TESK2: variants seen among roughly 807,000 people sequenced by gnomAD.
TESK2 encodes testis associated actin remodelling kinase 2.
TESK2 carries 39 observed loss-of-function variants against 57.1 expected under a neutral mutation model. That is an observed-to-expected ratio of 0.68 (90% CI 0.53 to 0.89). The LOEUF is 0.89. Ranked by LOEUF, TESK2 falls within the 40% of genes least tolerant of loss-of-function variation. The pLI is 0.00. For synonymous variants in TESK2, 249 were observed against 267.9 expected (o/e 0.93, Z 0.69); for missense variants, 646 against 732.1 (o/e 0.88, Z 1.36).
intron 3 of TESK2, among the ~76,000 whole-genome samples, chr1:45,404,169 C>T (rs1649740994): frequency 1.3e-5 from 2 of 152,180 alleles, no homozygotes; most frequent in African/African-American, 4.8e-5. Context: ...AAACAATACT[C>T]TCACAATGAT....
chr1:45,357,941 T>C (rs1453448627), intron 4 of TESK2, among the ~76,000 whole-genome samples: 1 of 144,248 alleles, frequency 6.9e-6, no homozygotes, highest in South Asian at 2.2e-4. Flanking sequence ...GAGATGGAGG[T>C]TGCAGTAAGC....
At chr1:45,388,524 C>T (rs910894764) in intron 3 of TESK2, among the ~76,000 whole-genome samples, 2 of 152,052 alleles carry the variant, frequency 1.3e-5, no homozygotes, top group African/African-American at 4.8e-5. Flanking sequence ...ATGGTATTAT[C>T]TATGGCTTCT....
chr1:45,360,894 T>C (rs1647653584), intron 4 of TESK2, among the ~76,000 whole-genome samples: 1 of 152,228 alleles, frequency 6.6e-6, no homozygotes, highest in African/African-American at 2.4e-5. Flanking sequence ...CTCGGCTCAC[T>C]GCAACCTCCA....
At chr1:45,431,772 A>G (rs144165010) in intron 2 of TESK2, among the ~76,000 whole-genome samples, 156 of 152,198 alleles carry the variant, frequency 1.0e-3, no homozygotes, top group African/African-American at 3.4e-3. Context: ...CAAATAGAAC[A>G]AGCAAGGAAA....
At chr1:45,377,409 A>T (rs1414884286) in intron 4 of TESK2, among the ~76,000 whole-genome samples, 2 of 151,220 alleles carry the variant, frequency 1.3e-5, no homozygotes, top group African/African-American at 4.9e-5. Context: ...GATTCTAATA[A>T]GAGAACAAGG....
chr1:45,463,214 C>A (rs1205934877), intron 1 of TESK2, among the ~76,000 whole-genome samples: 1 of 152,158 alleles, frequency 6.6e-6, no homozygotes, highest in Non-Finnish European at 1.5e-5. Flanking sequence ...GCTTCATTTT[C>A]TGTGCAGAAG....
At chr1:45,422,202 A>G (rs528045017) in intron 2 of TESK2, among the ~76,000 whole-genome samples, 1 of 152,130 alleles carries the variant, frequency 6.6e-6, no homozygotes, top group Non-Finnish European at 1.5e-5. Flanking sequence ...GGAACAGAAA[A>G]CCAACACTGC....
intron 4 of TESK2, among the ~76,000 whole-genome samples, chr1:45,364,347 G>A (rs2149267981): frequency 6.6e-6 from 1 of 152,242 alleles, no homozygotes; most frequent in Non-Finnish European, 1.5e-5. Context: ...GGCACACAGG[G>A]AAAATGTCAT....
intron 4 of TESK2, among the ~76,000 whole-genome samples, chr1:45,359,989 C>T (rs1352547393): frequency 6.6e-6 from 1 of 152,184 alleles, no homozygotes; most frequent in South Asian, 2.1e-4. Flanking sequence ...CCATGCAGCA[C>T]TTCAGATCCT....
Position 45,430,877 on chromosome 1 carries a change from A to G in TESK2, c.223-9031T>C, listed in dbSNP as rs79302488. Among the ~76,000 whole-genome samples, 135 of 152,334 alleles carry G rather than the reference A, an allele frequency of 8.9e-4. 1 individual carries two copies. The highest frequency in any genetic ancestry group is 4.1e-3 in the East Asian group (21 of 5,184). On this transcript the variant is annotated intron_variant, in intron 2 of 10. Coordinates refer to ENST00000372086, the MANE Select transcript of TESK2 (RefSeq NM_007170.3). The stretch of plus-strand genomic sequence containing the variant: ...TAGAGGTTGCGTTATATTTGTAGTT[A>G]GCGTAAAGAGCTACAGTTTTATAAG...
intron 1 of TESK2, among the ~76,000 whole-genome samples, chr1:45,473,590 C>T (rs1180962352): frequency 6.6e-6 from 1 of 152,198 alleles, no homozygotes; most frequent in East Asian, 1.9e-4. Context: ...GAGCTCACTA[C>T]AGTAGTCTGT....
intron 3 of TESK2, among the ~76,000 whole-genome samples, chr1:45,405,325 A>G (rs1335490593): frequency 1.3e-5 from 2 of 152,126 alleles, no homozygotes; most frequent in Non-Finnish European, 2.9e-5. Flanking sequence ...TGGCAATTCA[A>G]TTCTTCCAGT....
chr1:45,460,129 C>G (rs968570491), intron 1 of TESK2, among the ~76,000 whole-genome samples: 2 of 147,800 alleles, frequency 1.4e-5, no homozygotes, highest in African/African-American at 5.0e-5. Flanking sequence ...GTGGTGGGAT[C>G]AACAGAAGTC....
chr1:45,358,343 G>T (rs980304249), intron 4 of TESK2, among the ~76,000 whole-genome samples: 2 of 151,742 alleles, frequency 1.3e-5, no homozygotes, highest in African/African-American at 4.8e-5. Flanking sequence ...TGGGTGTGGT[G>T]GTGTGTGCCT....
chr1:45,376,939 G>A (rs1036216280), intron 4 of TESK2, among the ~76,000 whole-genome samples: 3 of 152,184 alleles, frequency 2.0e-5, no homozygotes, highest in African/African-American at 7.2e-5. Context: ...AAGAAAACAG[G>A]TCAGGTGTGA....
chr1:45,421,619 A>G, intron 3 of TESK2, 106 bp downstream of exon 3: 1 of 1,476,814 alleles, frequency 6.8e-7, no homozygotes. Flanking sequence ...AGATAGATTC[A>G]GCATGATAAA....
chr1:45,386,447 G>C (rs1557552392), intron 3 of TESK2, among the ~76,000 whole-genome samples: 1 of 151,134 alleles, frequency 6.6e-6, no homozygotes, highest in Non-Finnish European at 1.5e-5. Flanking sequence ...GAAAGGGAAA[G>C]GGAAAGGAAA....
At chr1:45,458,587 G>A (rs1443218847) in intron 1 of TESK2, among the ~76,000 whole-genome samples, 2 of 150,544 alleles carry the variant, frequency 1.3e-5, no homozygotes, top group East Asian at 3.9e-4. Context: ...AAAAATTGAA[G>A]TGCAAAGCCT....
At chr1:45,372,273 A>G (rs1246330345) in intron 4 of TESK2, among the ~76,000 whole-genome samples, 3 of 151,430 alleles carry the variant, frequency 2.0e-5, no homozygotes, top group Non-Finnish European at 4.4e-5. Context: ...CAATTAAAAA[A>G]AAAAAGATGA....
Sources: allele counts gnomAD v4.1 joint callset (sites outside exome capture counted in the v4.1 genomes callset), GRCh38; gene constraint gnomAD v4.1.1; transcripts MANE v1.5; gene names NCBI Gene and HGNC (gene_info 2026-07-23, HGNC 2026-07-21).